GRAMD4: variants seen among roughly 807,000 people sequenced by gnomAD.
The protein encoded by GRAMD4 is GRAM domain-containing protein 4.
A neutral mutation model predicts 83.9 loss-of-function variants in GRAMD4; 25 were observed. The observed-to-expected ratio is 0.30, with a 90% CI of 0.22 to 0.42. The LOEUF is 0.42. Among genes scored for constraint, GRAMD4 ranks in the 10% least tolerant of loss-of-function variants. The probability of loss-of-function intolerance (pLI) is 1.00; values close to 1 mark genes in which losing one functional copy is unlikely to be tolerated. For missense variants in GRAMD4, 593 were observed against 788.7 expected, an observed-to-expected ratio of 0.75 and a Z score of 2.97; for synonymous variants, 336 against 320.9, an observed-to-expected ratio of 1.05 and a Z score of -0.50.
At chr22:46,623,664 G>A (rs1601582127) in intron 1 of GRAMD4, among the ~76,000 whole-genome samples, 1 of 152,092 alleles carries the variant, frequency 6.6e-6, no homozygotes, top group Non-Finnish European at 1.5e-5. Context: ...CCAAAGTGCT[G>A]AGATTACAGG....
intron 2 of GRAMD4, among the ~76,000 whole-genome samples, 199 bp from the exon 3 acceptor site, chr22:46,637,641 G>C (rs2081910623): frequency 6.6e-6 from 1 of 152,200 alleles, no homozygotes; most frequent in African/African-American, 2.4e-5. Context: ...TGGGTAGACA[G>C]ACACGGGTCT....
chr22:46,634,005 G>C (rs926306143), intron 2 of GRAMD4, among the ~76,000 whole-genome samples: 1 of 152,368 alleles, frequency 6.6e-6, no homozygotes, highest in African/African-American at 2.4e-5. Flanking sequence ...TCTCACCCCC[G>C]GGTGCCTGTG....
Position 46,637,956 on chromosome 22 carries a change from C to T in GRAMD4, c.279C>T (p.Phe93=). ...AAATTGCCTTATTGGAAAAACATTT[C>T]TTACGTGAGTACCAGAAAGCGCTTG... The part of the protein sequence containing the change: ...HLEIALLEKH[F]LQEELRKLRE... Residue 93 remains phenylalanine (F), a synonymous_variant, in exon 3 of 19, where the codon TTC becomes TTT. Coordinates refer to ENST00000406902, the MANE Select transcript of GRAMD4 (RefSeq NM_015124.5). 1 of 1,613,646 alleles carries T rather than the reference C, an allele frequency of 6.2e-7. No homozygotes were observed. Among genetic ancestry groups the T allele is most frequent in the Non-Finnish European group, 8.5e-7 (1 of 1,179,678 alleles).
rs959669306 is a variant in GRAMD4 at position 46,678,969 on chromosome 22, C to T, written c.*1718C>T. On this transcript the variant is annotated 3_prime_UTR_variant, in exon 19 of 19. Coordinates refer to ENST00000406902, the MANE Select transcript of GRAMD4 (RefSeq NM_015124.5). ...CGGCCTTTCCCGAATGGGGACAGAA[C>T]CCGCTCTGAGCCGTGGGTCTGGCTC... 16 of 985,648 alleles carry T rather than the reference C, an allele frequency of 1.6e-5. No homozygotes were observed. The highest frequency in any genetic ancestry group is 1.9e-5 in the Non-Finnish European group (16 of 829,992). 61.1% of individuals were successfully genotyped at this position (985,648 alleles called of 1,614,324 possible).
chr22:46,678,815 T>C lies in GRAMD4; in HGVS notation c.*1564T>C. On this transcript the variant is annotated 3_prime_UTR_variant, in exon 19 of 19. Transcript: ENST00000406902. The stretch of plus-strand genomic sequence containing the variant: ...CACGAGGGGCCGCAGAGTCACACGC[T>C]GGTGCCGGGGGTGCTTTGGGGGGAG... 2 of 986,276 alleles carry C rather than the reference T, an allele frequency of 2.0e-6. No homozygotes were observed. The highest frequency in any genetic ancestry group is 2.4e-6 in the Non-Finnish European group (2 of 830,094). 61.1% of individuals were successfully genotyped at this position (986,276 alleles called of 1,614,324 possible).
intron 1 of GRAMD4, 61 bp from the exon 2 acceptor site, chr22:46,626,690 G>A: frequency 9.2e-7 from 1 of 1,081,862 alleles, no homozygotes; most frequent in Non-Finnish European, 1.4e-6. Context: ...CTGTGTGTGG[G>A]AGCTGGCTCG....
At position 46,658,280 on chromosome 22, in the gene GRAMD4, A is replaced by G; in HGVS notation, c.377A>G (p.Gln126Arg). Reference sequence around the variant, plus strand: ...CGGCAGCGGCGGATGGAGCTGGAGCAGAAGGTGCAGGAGGTGCTGAAGGCC... The same window carrying G: ...CGGCAGCGGCGGATGGAGCTGGAGCGGAAGGTGCAGGAGGTGCTGAAGGCC... ...RERQRRMELEQKVQEVLKART... is the reference protein window; with the variant it reads ...RERQRRMELERKVQEVLKART... Residue 126 changes from glutamine to arginine, a missense_variant, in exon 4 of 19, where the codon CAG becomes CGG. By Grantham distance (43) the Gln-to-Arg change is conservative (BLOSUM62 1). This residue lies in a region of GRAMD4 where 312 missense variants were observed against 350.7 expected (regional missense o/e 0.89). Coordinates refer to ENST00000406902, the MANE Select transcript of GRAMD4 (RefSeq NM_015124.5). The G allele has an allele frequency of 6.2e-7, 1 of 1,612,724 alleles. No individual in the cohort carries two copies. Among genetic ancestry groups the G allele is most frequent in the Non-Finnish European group, 8.5e-7 (1 of 1,179,718 alleles).
intron 14 of GRAMD4, 135 bp from the exon 15 acceptor site, chr22:46,673,535 G>A: frequency 9.0e-7 from 1 of 1,109,900 alleles, no homozygotes; most frequent in East Asian, 2.4e-5. Context: ...GAGCCGCTCT[G>A]GGCCGGAAGG....
chr22:46,678,114 G>C lies in GRAMD4; in HGVS notation c.*863G>C, dbSNP rs895076436. 1.0e-6 allele frequency: 1 copy of C among 985,606 alleles called. No individual in the cohort carries two copies. The highest frequency in any genetic ancestry group is 1.2e-6 in the Non-Finnish European group (1 of 830,026). The allele number at this position is 985,606 out of a possible 1,614,324, so 61.1% of individuals were successfully genotyped here. ...AAGGCCCAGGAGAACATCCGCGAAG[G>C]CTGTTGGAGGTGCTCCGAGCACTGT... On this transcript the variant is annotated 3_prime_UTR_variant, in exon 19 of 19. Transcript: ENST00000406902.
rs1180462208 is a variant in GRAMD4 at position 46,678,228 on chromosome 22, C to T, written c.*977C>T. The T allele has an allele frequency of 2.0e-6, 2 of 985,386 alleles. No homozygotes were observed. The highest frequency in any genetic ancestry group is 3.5e-5 in the African/African-American group (2 of 57,248). The allele number at this position is 985,386 out of a possible 1,614,324, so 61.0% of individuals were successfully genotyped here. On this transcript the variant is annotated 3_prime_UTR_variant, in exon 19 of 19. Coordinates refer to ENST00000406902, the MANE Select transcript of GRAMD4 (RefSeq NM_015124.5). Reference sequence around the variant, plus strand: ...AGGAGTGTTCCGGGACCATGGTGGCCCAGGCTGCAGCCGCCTTTGGGCCAT... The same window carrying T: ...AGGAGTGTTCCGGGACCATGGTGGCTCAGGCTGCAGCCGCCTTTGGGCCAT...
chr22:46,591,081 A>G (rs1461888631), intron 1 of GRAMD4, among the ~76,000 whole-genome samples: 1 of 152,086 alleles, frequency 6.6e-6, no homozygotes, highest in Non-Finnish European at 1.5e-5. Flanking sequence ...AAAAAAAAAC[A>G]AACAAACCCA....
chr22:46,596,174 A>G (rs967142033), intron 1 of GRAMD4, among the ~76,000 whole-genome samples: 21 of 152,238 alleles, frequency 1.4e-4, no homozygotes, highest in Admixed American at 1.2e-3. Flanking sequence ...ATTGACCATG[A>G]GGACAAGGAC....
chr22:46,591,091 A>C (rs1460225886), intron 1 of GRAMD4, among the ~76,000 whole-genome samples: 6 of 151,890 alleles, frequency 4.0e-5, no homozygotes, highest in Non-Finnish European at 8.8e-5. Context: ...AAACAAACCC[A>C]AAAAACAGCC....
intron 3 of GRAMD4, among the ~76,000 whole-genome samples, chr22:46,646,891 C>T (rs2082079884): frequency 6.6e-6 from 1 of 152,212 alleles, no homozygotes; most frequent in Non-Finnish European, 1.5e-5. Context: ...GAGCAAGTCA[C>T]ATCTTACCAG....
chr22:46,587,955 G>C, intron 1 of GRAMD4: 1 of 985,316 alleles, frequency 1.0e-6, no homozygotes, highest in Non-Finnish European at 1.2e-6. Flanking sequence ...GTTGGCAAAA[G>C]GCCTGAGGGT....
chr22:46,578,926 G>A (rs2081071174), intron 1 of GRAMD4, among the ~76,000 whole-genome samples: 1 of 152,254 alleles, frequency 6.6e-6, no homozygotes, highest in Non-Finnish European at 1.5e-5. Context: ...GGGAGATGCA[G>A]CTTGGTCCTG....
rs113587506 is a variant in GRAMD4 at position 46,624,448 on chromosome 22, T to C, written c.-49-2303T>C. Among the ~76,000 whole-genome samples, 1,135 of 147,708 alleles carry C rather than the reference T, an allele frequency of 7.7e-3. 14 individuals carry two copies. The highest frequency in any genetic ancestry group is 0.026 in the African/African-American group (1,056 of 39,968). ...GGTTCAAGCAATTCCTCTGCCTCCG[T>C]CTCCTGAGTAGCTGGGACTACAGGT... On this transcript the variant is annotated intron_variant, in intron 1 of 18. Transcript: ENST00000406902.
chr22:46,582,686 C>T (rs1345959108), intron 1 of GRAMD4, among the ~76,000 whole-genome samples: 1 of 152,170 alleles, frequency 6.6e-6, no homozygotes, highest in Non-Finnish European at 1.5e-5. Flanking sequence ...TTGTTTGTTC[C>T]TCACTCTTGG....
chr22:46,674,003 G>A (rs532304319), intron 15 of GRAMD4, among the ~76,000 whole-genome samples, 189 bp downstream of exon 15: 1 of 152,262 alleles, frequency 6.6e-6, no homozygotes, highest in Non-Finnish European at 1.5e-5. Context: ...GCGGGCTACA[G>A]GGGAGGAGGG....
Sources: allele counts gnomAD v4.1 joint callset (sites outside exome capture counted in the v4.1 genomes callset), GRCh38; gene constraint gnomAD v4.1.1; regional missense constraint gnomAD v4.1.1; transcripts MANE v1.5; gene names NCBI Gene and HGNC (gene_info 2026-07-23, HGNC 2026-07-21).